Variants in MECOM observed in about 807,000 individuals in gnomAD.
The protein encoded by MECOM is histone-lysine N-methyltransferase MECOM.
MECOM carries 13 observed loss-of-function variants against 116.3 expected under a neutral mutation model. The observed-to-expected ratio is 0.11, with a 90% CI of 0.07 to 0.18. The LOEUF (loss-of-function observed/expected upper bound fraction) is 0.18, where lower values mean the gene tolerates loss of function less well. Among genes scored for constraint, MECOM ranks in the 10% least tolerant of loss-of-function variants. The pLI, the probability that MECOM is intolerant of heterozygous loss-of-function variation, is 1.00. For synonymous variants in MECOM, 528 were observed against 535.2 expected (o/e 0.99, Z 0.19); for missense variants, 1,299 against 1,509.0 (o/e 0.86, Z 2.31).
At chr3:169,452,158 G>A (rs1745712827) in intron 1 of MECOM, among the ~76,000 whole-genome samples, 1 of 151,858 alleles carries the variant, frequency 6.6e-6, no homozygotes, top group Non-Finnish European at 1.5e-5. Context: ...GGTAAGCCGG[G>A]TCATCACTAC....
intron 2 of MECOM, chr3:169,147,843 C>G (rs1234375910): frequency 5.5e-5 from 7 of 126,670 alleles, no homozygotes; most frequent in Non-Finnish European, 7.5e-5. Flanking sequence ...GTGTGTGCAC[C>G]GAGGCAGGAG....
intron 2 of MECOM, among the ~76,000 whole-genome samples, chr3:169,203,872 A>G (rs1052377647): frequency 1.3e-5 from 2 of 152,210 alleles, no homozygotes; most frequent in Admixed American, 1.3e-4. Flanking sequence ...ATGTTTCCCA[A>G]TATAAGCTAA....
intron 1 of MECOM, among the ~76,000 whole-genome samples, chr3:169,423,354 G>T (rs1387042689): frequency 1.3e-5 from 2 of 152,050 alleles, no homozygotes; most frequent in Non-Finnish European, 2.9e-5. Flanking sequence ...GGAAGGCAGG[G>T]GTTTGCCTAA....
chr3:169,320,737 C>G (rs1453381572), intron 2 of MECOM, among the ~76,000 whole-genome samples: 3 of 152,108 alleles, frequency 2.0e-5, no homozygotes, highest in African/African-American at 4.8e-5. Flanking sequence ...TATTTTCTTT[C>G]TTTTTTATTG....
chr3:169,097,395 A>C (rs927553770), intron 12 of MECOM, among the ~76,000 whole-genome samples: 3 of 152,112 alleles, frequency 2.0e-5, no homozygotes, highest in African/African-American at 7.2e-5. Context: ...TTCCAATAAG[A>C]GCCTAAGTTT....
intron 1 of MECOM, among the ~76,000 whole-genome samples, chr3:169,491,870 C>A (rs1476912614): frequency 6.6e-6 from 1 of 152,246 alleles, no homozygotes; most frequent in Non-Finnish European, 1.5e-5. Flanking sequence ...TCATCTATTG[C>A]CAATTATAAA....
At chr3:169,392,721 T>C (rs1180228990) in intron 1 of MECOM, among the ~76,000 whole-genome samples, 3 of 152,140 alleles carry the variant, frequency 2.0e-5, no homozygotes, top group Non-Finnish European at 4.4e-5. Context: ...AATTCTGCAA[T>C]TGGGCATGCC....
At chr3:169,288,175 C>T (rs554273802) in intron 2 of MECOM, among the ~76,000 whole-genome samples, 1 of 151,590 alleles carries the variant, frequency 6.6e-6, no homozygotes, top group South Asian at 2.1e-4. Flanking sequence ...CTGCTTTCTC[C>T]ATGTTTTACA....
chr3:169,161,002 G>C (rs145438746), intron 2 of MECOM, among the ~76,000 whole-genome samples: 62 of 152,284 alleles, frequency 4.1e-4, no homozygotes, highest in African/African-American at 1.5e-3. Flanking sequence ...CTGGCTGGGA[G>C]TTTATGTTGC....
intron 1 of MECOM, among the ~76,000 whole-genome samples, chr3:169,658,831 G>C (rs1306510214): frequency 6.6e-6 from 1 of 152,048 alleles, no homozygotes; most frequent in Admixed American, 6.5e-5. Context: ...CCATCTCACC[G>C]CCCGCTTCCA....
chr3:169,219,331 C>T (rs770627961), intron 2 of MECOM, among the ~76,000 whole-genome samples: 12 of 152,030 alleles, frequency 7.9e-5, no homozygotes, highest in Non-Finnish European at 1.6e-4. Context: ...ATGGTGAAAC[C>T]GCGTATCCAC....
At chr3:169,147,320 C>T in intron 2 of MECOM, 1 of 985,588 alleles carries the variant, frequency 1.0e-6, no homozygotes, top group South Asian at 4.7e-5. Flanking sequence ...GGGTCCTGGA[C>T]CCTCACGGGA....
chr3:169,137,758 A>G (rs1577118000), intron 3 of MECOM, among the ~76,000 whole-genome samples: 1 of 152,138 alleles, frequency 6.6e-6, no homozygotes, highest in Admixed American at 6.6e-5. Context: ...AAAACCAAGT[A>G]TAACTTATTG....
At chr3:169,570,196 G>T (rs1220838487) in intron 1 of MECOM, among the ~76,000 whole-genome samples, 2 of 152,120 alleles carry the variant, frequency 1.3e-5, no homozygotes, top group Non-Finnish European at 2.9e-5. Context: ...TCCCATCAGA[G>T]AATAATATAA....
At chr3:169,160,509 A>G (rs79863006) in intron 2 of MECOM, among the ~76,000 whole-genome samples, 10,542 of 148,500 alleles carry the variant, frequency 0.071, 493 homozygotes, top group South Asian at 0.19. Flanking sequence ...ATGTACAATA[A>G]TATATTGTAT....
At position 169,265,846 on chromosome 3, in the gene MECOM, G is replaced by C. The variant is rs202177767; in HGVS notation, c.375+115341C>G. ...GACCTCTGTCCCTTCTGCAGTACTA[G>C]TGTGGTAGTCAGTGGACAAGGAGGT... On this transcript the variant is annotated intron_variant, in intron 2 of 16. Coordinates refer to ENST00000651503, the MANE Select transcript of MECOM (RefSeq NM_004991.4). Among the ~76,000 whole-genome samples, 6 of 152,184 alleles carry C rather than the reference G, an allele frequency of 3.9e-5. No homozygotes were observed. In the East Asian group the frequency reaches 1.2e-3, roughly 29 times the overall value.
chr3:169,613,566 C>T (rs1160629506), intron 1 of MECOM: 2 of 152,226 alleles, frequency 1.3e-5, no homozygotes, highest in Non-Finnish European at 2.9e-5. Context: ...AATCTCCTGA[C>T]TCTAACCATG....
chr3:169,147,264 C>T, intron 2 of MECOM: 6 of 985,522 alleles, frequency 6.1e-6, no homozygotes, highest in Non-Finnish European at 7.2e-6. Context: ...CCTGGGGAGG[C>T]GAGGGGAGCT....
rs183629026 is a variant in MECOM, at chr3:169,637,513, G to A, written c.37+25823C>T. Reference sequence around the variant, plus strand: ...CAGGAACTTACAGCCAAGTTGTCCCGGGCCTCAGATATTTGAGGCCTATGG... The same window carrying A: ...CAGGAACTTACAGCCAAGTTGTCCCAGGCCTCAGATATTTGAGGCCTATGG... On this transcript the variant is annotated intron_variant, in intron 1 of 16. Coordinates refer to ENST00000651503, the MANE Select transcript of MECOM (RefSeq NM_004991.4). Among the ~76,000 whole-genome samples, 39 of 152,218 alleles carry A rather than the reference G, an allele frequency of 2.6e-4. No individual in the cohort carries two copies. The East Asian group carries it at 6.2e-3, about 24-fold the overall frequency.
Sources: gnomAD v4.1 joint callset for allele counts (sites outside exome capture counted in the v4.1 genomes callset) on GRCh38, gnomAD v4.1.1 for gene constraint, MANE v1.5 for transcripts, NCBI Gene and HGNC (gene_info 2026-07-23, HGNC 2026-07-21) for gene names.